The following SYT7 variants were observed in gnomAD, a reference collection of about 807,000 sequenced individuals.
The protein encoded by SYT7 is synaptotagmin-7.
In SYT7, 29 loss-of-function variants were observed where a neutral mutation model predicts 75.1. That is an observed-to-expected ratio of 0.39 (90% CI 0.29 to 0.53). SYT7 has a LOEUF of 0.53. Among genes scored for constraint, SYT7 ranks in the 20% least tolerant of loss-of-function variants. SYT7 has a pLI of 0.77. For synonymous variants in SYT7, 376 were observed against 401.7 expected, an observed-to-expected ratio of 0.94 and a Z score of 0.76; for missense variants, 693 against 953.2, an observed-to-expected ratio of 0.73 and a Z score of 3.59.
In SYT7 at chr11:61,517,854, G is replaced by A. The variant is rs1054455111; in HGVS notation, c.*773C>T. On this transcript the variant is annotated 3_prime_UTR_variant, in exon 13 of 13. Transcript: ENST00000539008. ...CACCAAGGGGAGAAGGGGAGGAGAC[G>A]GGGGGATGGCAGGAGGCAGCCCAGT... is the stretch of plus-strand genomic sequence containing the variant. The A allele has an allele frequency of 2.8e-5, 8 of 290,592 alleles. No homozygotes were observed. Among genetic ancestry groups the A allele is most frequent in the South Asian group, 3.3e-4 (2 of 5,998 alleles). The allele number at this position is 290,592 out of a possible 1,614,324, so 18.0% of individuals were successfully genotyped here.
At chr11:61,539,595 AG>A (rs2062983337) in intron 6 of SYT7, 1 of 152,194 alleles carries the variant, frequency 6.6e-6, no homozygotes, top group Non-Finnish European at 1.5e-5. Flanking sequence ...TGGAAGGGAG[AG>A]GATGCTGGGT....
rs774079234 is a variant in SYT7, at chr11:61,580,764, C to T, written c.31+26G>A. The T allele has an allele frequency of 8.0e-7, 1 of 1,245,092 alleles. No individual in the cohort carries two copies. Among genetic ancestry groups the T allele is most frequent in the Non-Finnish European group, 1.0e-6 (1 of 994,256 alleles). 77.1% of individuals were successfully genotyped at this position (1,245,092 alleles called of 1,614,324 possible). A position where few individuals can be genotyped will look rare whatever the true frequency, so the allele number is the denominator to read the frequency against. ...CTGTCCTGCCCGCCGGTGCGGGGCGCCCCAGCCCGCCGGGGCCGCGCTTAC... is the reference window on the plus strand; with the variant it reads ...CTGTCCTGCCCGCCGGTGCGGGGCGTCCCAGCCCGCCGGGGCCGCGCTTAC... On this transcript the variant is annotated intron_variant, in intron 1 of 12. Transcript: ENST00000539008. This position sits in a 1 kb window ranked among gnomAD's most constrained non-coding sequence, Gnocchi z 6.1.
upstream of SYT7, among the ~76,000 whole-genome samples, chr11:61,584,118 G>A (rs925573580): frequency 6.6e-6 from 1 of 152,134 alleles, no homozygotes; most frequent in Non-Finnish European, 1.5e-5. Context: ...GACTGGGCGC[G>A]GTGGCTCACG....
At chr11:61,544,039 G>A (rs2063118663) in intron 5 of SYT7, among the ~76,000 whole-genome samples, 1 of 152,236 alleles carries the variant, frequency 6.6e-6, no homozygotes, top group African/African-American at 2.4e-5. Context: ...TTGGAACCAA[G>A]CCATTGGCAT....
chr11:61,557,345 A>G (rs535883731), intron 1 of SYT7, among the ~76,000 whole-genome samples: 19 of 152,276 alleles, frequency 1.2e-4, no homozygotes, highest in African/African-American at 4.6e-4. Context: ...GGTAATTAAG[A>G]GTTGACAGTA....
intron 8 of SYT7, 116 bp from the exon 9 acceptor site, chr11:61,528,301 CCCACGGA>C: frequency 7.8e-7 from 1 of 1,282,304 alleles, no homozygotes; most frequent in Non-Finnish European, 1.1e-6. Context: ...ACACTCACAT[CCCACGGA>C]CGCTGCTCAG....
Position 61,551,416 on chromosome 11 carries a change from T to C in SYT7, c.183A>G (p.Ser61=), listed in dbSNP as rs1470069705. The C allele has an allele frequency of 1.2e-6, 2 of 1,613,780 alleles. No homozygotes were observed. Among genetic ancestry groups the C allele is most frequent in the East Asian group, 2.2e-5 (1 of 44,886 alleles). ...CCTTCTTCTCACTGCGCCCACGCCC[T>C]GAGTCTGGCGTGCCCACCGTCTCCA... is the stretch of plus-strand genomic sequence containing the variant. The part of the protein sequence containing the change: ...NSLETVGTPD[S]GRGRSEKKAI... Residue 61 remains serine (S), a synonymous_variant, in exon 3 of 13, where the codon TCA becomes TCG. Transcript: ENST00000539008. This position sits in a 1 kb window ranked among gnomAD's most constrained non-coding sequence, Gnocchi z 5.3.
At chr11:61,548,034 C>A (rs1041440408) in intron 3 of SYT7, among the ~76,000 whole-genome samples, 30 of 152,362 alleles carry the variant, frequency 2.0e-4, no homozygotes, top group African/African-American at 7.0e-4. Context: ...TGAGGCTGGG[C>A]TGCAGCCTTA....
At chr11:61,533,709 T>A (rs2062780067) in intron 7 of SYT7, 1 of 982,152 alleles carries the variant, frequency 1.0e-6, no homozygotes, top group Non-Finnish European at 1.2e-6. Context: ...GTTCTGTATT[T>A]GTGCTGTCCA....
intron 1 of SYT7, among the ~76,000 whole-genome samples, chr11:61,562,990 G>A (rs1177437572): frequency 6.6e-6 from 1 of 152,158 alleles, no homozygotes; most frequent in African/African-American, 2.4e-5. Context: ...GGGAACGGGA[G>A]GGGGTGCCGC....
chr11:61,526,997 C>T (rs980751155), intron 9 of SYT7, among the ~76,000 whole-genome samples: 3 of 152,108 alleles, frequency 2.0e-5, no homozygotes, highest in African/African-American at 7.2e-5. Context: ...GGGCCATTGG[C>T]AAAGGGTTAC....
intron 12 of SYT7, among the ~76,000 whole-genome samples, chr11:61,519,244 G>A (rs1259085951): frequency 1.3e-5 from 2 of 152,244 alleles, no homozygotes; most frequent in Admixed American, 1.3e-4. Context: ...CTTACCCACA[G>A]TCACAGGGTT....
intron 1 of SYT7, among the ~76,000 whole-genome samples, chr11:61,564,712 G>A (rs1290342152): frequency 2.6e-5 from 4 of 152,266 alleles, no homozygotes; most frequent in African/African-American, 4.8e-5. Flanking sequence ...CGACAGTTAC[G>A]GAAAGGGCTC....
At chr11:61,564,327 A>T (rs1019436231) in intron 1 of SYT7, among the ~76,000 whole-genome samples, 1 of 151,966 alleles carries the variant, frequency 6.6e-6, no homozygotes, top group Admixed American at 6.6e-5. Context: ...AGCCCTCCCA[A>T]CCTAGACTGC....
In SYT7 at chr11:61,531,620, G is replaced by A. The variant is rs570142570; in HGVS notation, c.1200+1369C>T. 1.8e-3 allele frequency among the ~76,000 whole-genome samples: 269 copies of A among 152,118 alleles called. 3 individuals carry two copies. Among genetic ancestry groups the A allele is most frequent in the Non-Finnish European group, 1.2e-3 (80 of 67,986 alleles). On this transcript the variant is annotated intron_variant, in intron 8 of 12. Coordinates refer to ENST00000539008, the MANE Select transcript of SYT7 (RefSeq NM_001365809.2). The stretch of plus-strand genomic sequence containing the variant: ...AAGAAAACCACAGGATAGACCGGGC[G>A]CAGTGGCTCATGCCTGTAATCACAG...
At chr11:61,548,443 G>A (rs927236970) in intron 3 of SYT7, among the ~76,000 whole-genome samples, 2 of 152,212 alleles carry the variant, frequency 1.3e-5, no homozygotes, top group Non-Finnish European at 2.9e-5. Context: ...CAAGGACAAG[G>A]GGCGCCACCA....
chr11:61,570,571 C>T (rs529396519), intron 1 of SYT7, among the ~76,000 whole-genome samples: 3 of 152,290 alleles, frequency 2.0e-5, no homozygotes, highest in Admixed American at 1.3e-4. Flanking sequence ...CAAGTCCACA[C>T]AGCTAGCCAG....
rs756930827 is a variant in SYT7, at chr11:61,524,855, C to T, written c.1472-323G>A. 9.4e-6 allele frequency: 2 copies of T among 213,388 alleles called. No individual in the cohort carries two copies. The highest frequency in any genetic ancestry group is 5.2e-5 in the Admixed American group (1 of 19,354). 13.2% of individuals were successfully genotyped at this position (213,388 alleles called of 1,614,324 possible). ...CTGCGATCATCCATTCACCCATGCA[C>T]CTTGTGTCCATCTCAGTGGCTGAGC... On this transcript the variant is annotated intron_variant, in intron 9 of 12. Transcript: ENST00000539008. This position sits in a 1 kb window ranked among gnomAD's most constrained non-coding sequence, Gnocchi z 4.1.
intron 2 of SYT7, among the ~76,000 whole-genome samples, chr11:61,555,006 C>T (rs974113615): frequency 7.9e-5 from 12 of 152,194 alleles, no homozygotes; most frequent in African/African-American, 2.9e-4. Flanking sequence ...AGGTCTTTCC[C>T]GCAGGTCTCT....
Sources: allele counts gnomAD v4.1 joint callset (sites outside exome capture counted in the v4.1 genomes callset), GRCh38; gene constraint gnomAD v4.1.1; non-coding constraint Gnocchi (gnomAD v3.1); transcripts MANE v1.5; gene names NCBI Gene and HGNC (gene_info 2026-07-23, HGNC 2026-07-21).